The following CDH7 variants were observed in gnomAD, a reference collection of about 807,000 sequenced individuals.
CDH7 encodes the protein cadherin 7, also known as cadherin-7.
Under a neutral mutation model 71.8 loss-of-function variants are expected in CDH7, and 25 were observed. The observed-to-expected ratio is 0.35, with a 90% CI of 0.25 to 0.49. The LOEUF is 0.49. Ranked by LOEUF, CDH7 falls within the 20% of genes least tolerant of loss-of-function variation. The pLI, the probability that CDH7 is intolerant of heterozygous loss-of-function variation, is 0.99. For synonymous variants in CDH7, 381 were observed against 363.8 expected (o/e 1.05, Z -0.54); for missense variants, 862 against 974.6 (o/e 0.88, Z 1.54).
At chr18:65,813,083 A>C (rs1480522989) in intron 3 of CDH7, among the ~76,000 whole-genome samples, 2 of 152,256 alleles carry the variant, frequency 1.3e-5, no homozygotes, top group Non-Finnish European at 2.9e-5. Flanking sequence ...CTGGAATCCC[A>C]GCACTTTGGG....
At chr18:65,770,040 G>A (rs1244774422) in intron 2 of CDH7, among the ~76,000 whole-genome samples, 1 of 152,132 alleles carries the variant, frequency 6.6e-6, no homozygotes, top group African/African-American at 2.4e-5. Context: ...GCTGGTTTGA[G>A]GGAGGTGCAA....
Position 65,858,910 on chromosome 18 carries a change from T to C in CDH7, c.1373-15T>C. ...GGGCAAAGAGTAAATGATAAGACAC[T>C]GTCTTATTTATTAGAGAATCCATCT... On this transcript the variant is annotated splice_polypyrimidine_tract_variant and intron_variant, in intron 8 of 11. Transcript: ENST00000397968. 6.2e-7 allele frequency: 1 copy of C among 1,609,376 alleles called. No homozygotes were observed. Among genetic ancestry groups the C allele is most frequent in the Non-Finnish European group, 8.5e-7 (1 of 1,176,304 alleles).
intron 7 of CDH7, among the ~76,000 whole-genome samples, chr18:65,847,998 G>A (rs910067923): frequency 6.6e-6 from 1 of 151,918 alleles, no homozygotes; most frequent in African/African-American, 2.4e-5. Context: ...AGAAAAATGG[G>A]TAATTGAGGG....
rs1914381649 is a variant in CDH7, at chr18:65,886,662, A to C, written c.*5768A>C. On this transcript the variant is annotated 3_prime_UTR_variant, in exon 12 of 12. Coordinates refer to ENST00000397968, the MANE Select transcript of CDH7 (RefSeq NM_004361.5). ...AAGTGGTCTTCCAGGCATCCAGAGT[A>C]GATAAAGAAAATGAAGTTCTAGAGA... is the stretch of plus-strand genomic sequence containing the variant. 2 of 152,176 alleles carry C rather than the reference A, an allele frequency of 1.3e-5. No individual in the cohort carries two copies. Among genetic ancestry groups the C allele is most frequent in the Admixed American group, 6.5e-5 (1 of 15,284 alleles). The allele number at this position is 152,176 out of a possible 1,614,324, so 9.4% of individuals were successfully genotyped here. A position where few individuals can be genotyped will look rare whatever the true frequency, so the allele number is the denominator to read the frequency against.
At position 65,857,811 on chromosome 18, in the gene CDH7, A is replaced by C; in HGVS notation, c.1236-5A>C. ...AGGCTTTTCTTTTCTTCAATGTTCA[A>C]TTAGGTACTCAATTGACAGAAACAC... On this transcript the variant is annotated splice_polypyrimidine_tract_variant and splice_region_variant and intron_variant, in intron 7 of 11. Coordinates refer to ENST00000397968, the MANE Select transcript of CDH7 (RefSeq NM_004361.5). 1 of 1,611,700 alleles carries C rather than the reference A, an allele frequency of 6.2e-7. No homozygotes were observed. The highest frequency in any genetic ancestry group is 1.1e-5 in the South Asian group (1 of 90,574).
chr18:65,826,923 A>AC (rs1912153570), intron 6 of CDH7, among the ~76,000 whole-genome samples: 2 of 151,478 alleles, frequency 1.3e-5, no homozygotes. Context: ...GGTATTAAAA[A>AC]ACGTAATATT....
chr18:65,870,429 T>C (rs932922509), intron 11 of CDH7, among the ~76,000 whole-genome samples: 1 of 152,188 alleles, frequency 6.6e-6, no homozygotes, highest in Admixed American at 6.5e-5. Flanking sequence ...TCCTGCATTT[T>C]TCCTATCACT....
chr18:65,797,261 G>A (rs1599012913), intron 2 of CDH7, among the ~76,000 whole-genome samples: 1 of 152,136 alleles, frequency 6.6e-6, no homozygotes, highest in Non-Finnish European at 1.5e-5. Context: ...TCTCCCATCA[G>A]CCTAATTATT....
At position 65,799,452 on chromosome 18, in the gene CDH7, C is replaced by T. The variant is rs188444733; in HGVS notation, c.211-10252C>T. On this transcript the variant is annotated intron_variant, in intron 2 of 11. Coordinates refer to ENST00000397968, the MANE Select transcript of CDH7 (RefSeq NM_004361.5). ...CAGCACTTTGGGAGGCCGAGGTGGGCGGATCACGAGGTCAGGAGATCGAGA... is the reference window on the plus strand; with the variant it reads ...CAGCACTTTGGGAGGCCGAGGTGGGTGGATCACGAGGTCAGGAGATCGAGA... Among the ~76,000 whole-genome samples, 40 of 152,002 alleles carry T rather than the reference C, an allele frequency of 2.6e-4. No individual in the cohort carries two copies. The South Asian group carries it at 5.6e-3, about 21-fold the overall frequency.
At chr18:65,824,040 T>C (rs1912035235) in intron 5 of CDH7, among the ~76,000 whole-genome samples, 1 of 151,158 alleles carries the variant, frequency 6.6e-6, no homozygotes, top group African/African-American at 2.4e-5. Context: ...TTTCACTTTT[T>C]TTTTTTTCAG....
chr18:65,775,188 G>T (rs938393434), intron 2 of CDH7, among the ~76,000 whole-genome samples: 3 of 152,136 alleles, frequency 2.0e-5, no homozygotes, highest in African/African-American at 7.2e-5. Context: ...AGATAATAAT[G>T]AATTATGATT....
At position 65,792,967 on chromosome 18, in the gene CDH7, A is replaced by G. The variant is rs1910767406; in HGVS notation, c.211-16737A>G. 2.0e-5 allele frequency among the ~76,000 whole-genome samples: 3 copies of G among 151,876 alleles called. No individual in the cohort carries two copies. The South Asian group carries it at 6.3e-4, about 32-fold the overall frequency. On this transcript the variant is annotated intron_variant, in intron 2 of 11. Transcript: ENST00000397968. The stretch of plus-strand genomic sequence containing the variant: ...GACCCTGCCTTGGAGGGTTTAATGT[A>G]TTTTCCTTGATGCTGTACTCCGTGG...
rs1186984533 is a variant in CDH7, at chr18:65,885,349, A to G, written c.*4455A>G. 1 of 136,964 alleles carries G rather than the reference A, an allele frequency of 7.3e-6. No individual in the cohort carries two copies. The highest frequency in any genetic ancestry group is 2.6e-5 in the African/African-American group (1 of 38,922). The allele number at this position is 136,964 out of a possible 1,614,324, so 8.5% of individuals were successfully genotyped here. A position where few individuals can be genotyped will look rare whatever the true frequency, so the allele number is the denominator to read the frequency against. On this transcript the variant is annotated 3_prime_UTR_variant, in exon 12 of 12. Transcript: ENST00000397968. The stretch of plus-strand genomic sequence containing the variant: ...GCTAACTTCTACTGGCTTAGAATGT[A>G]ACTGAAAAGGATGTGTGCCTGTGTT...
chr18:65,774,148 A>T (rs1316102602), intron 2 of CDH7, among the ~76,000 whole-genome samples: 1 of 152,020 alleles, frequency 6.6e-6, no homozygotes, highest in Non-Finnish European at 1.5e-5. Flanking sequence ...ATATTGGCAT[A>T]AATTCTATCC....
intron 2 of CDH7, among the ~76,000 whole-genome samples, chr18:65,778,271 CAAAAAAAAAAAA>C (rs148841669): frequency 1.2e-5 from 1 of 84,330 alleles, no homozygotes; most frequent in Non-Finnish European, 2.8e-5. Context: ...GACTCTGTCT[CAAAAAAAAAAAA>C]AAAAAAAAAA....
intron 1 of CDH7, 27 bp downstream of exon 1, chr18:65,751,177 G>A (rs1475606648): frequency 2.0e-5 from 3 of 152,416 alleles, no homozygotes; most frequent in Non-Finnish European, 4.4e-5. Context: ...GCGCGGGGCT[G>A]GGGAGGCGCC....
chr18:65,879,323 C>T lies in CDH7; in HGVS notation c.1865-1078C>T, dbSNP rs78231101. ...TATGATGACAATAATGTACCCTAAA[C>T]GATAATCCATATAATGTACGTTATG... On this transcript the variant is annotated intron_variant, in intron 11 of 11. Transcript: ENST00000397968. Among the ~76,000 whole-genome samples the T allele has an allele frequency of 2.8e-3, 426 of 152,130 alleles. 2 individuals carry two copies. Among genetic ancestry groups the T allele is most frequent in the African/African-American group, 9.4e-3 (390 of 41,494 alleles).
At position 65,856,115 on chromosome 18, in the gene CDH7, T is replaced by C. The variant is rs1913346950; in HGVS notation, c.1236-1701T>C. On this transcript the variant is annotated intron_variant, in intron 7 of 11. Transcript: ENST00000397968. ...ATCCATGCCATGCACATGCCATCAA[T>C]GTGAATAAGACACTTCGAAACTGGA... Among the ~76,000 whole-genome samples, 4 of 152,198 alleles carry C rather than the reference T, an allele frequency of 2.6e-5. No homozygotes were observed. In the South Asian group the frequency reaches 8.3e-4, roughly 32 times the overall value.
intron 11 of CDH7, 22 bp from the exon 12 acceptor site, chr18:65,880,379 T>G (rs755302738): frequency 6.6e-7 from 1 of 1,517,516 alleles, no homozygotes; most frequent in South Asian, 1.4e-5. Flanking sequence ...TGAAACTTTC[T>G]CTTCCTGTCT....
Sources: allele counts gnomAD v4.1 joint callset (sites outside exome capture counted in the v4.1 genomes callset), GRCh38; gene constraint gnomAD v4.1.1; transcripts MANE v1.5; gene names NCBI Gene and HGNC (gene_info 2026-07-23, HGNC 2026-07-21).